CGNL1: variants seen among roughly 807,000 people sequenced by gnomAD.
The protein encoded by CGNL1 is cingulin-like protein 1.
In CGNL1, 132 loss-of-function variants were observed where a neutral mutation model predicts 141.2. That is an observed-to-expected ratio of 0.93 (90% CI 0.81 to 1.08). The LOEUF is 1.08. Among genes scored for constraint, CGNL1 ranks in the 50% least tolerant of loss-of-function variants. CGNL1 has a pLI of 0.00. For missense variants in CGNL1, 1,870 were observed against 1,588.6 expected (o/e 1.18, Z -3.01); for synonymous variants, 690 against 622.1 (o/e 1.11, Z -1.63).
intron 8 of CGNL1, among the ~76,000 whole-genome samples, chr15:57,514,576 G>A (rs761538690): frequency 2.0e-5 from 3 of 151,858 alleles, no homozygotes; most frequent in Non-Finnish European, 2.9e-5. Flanking sequence ...TTTCTTGGTG[G>A]CATCATTTGC....
chr15:57,513,211 C>T (rs138892938), intron 8 of CGNL1, among the ~76,000 whole-genome samples: 19 of 149,166 alleles, frequency 1.3e-4, no homozygotes, highest in East Asian at 1.2e-3. Flanking sequence ...TTTCTGTCTC[C>T]GTAGATTTGC....
At chr15:57,518,528 C>G (rs1306328401) in intron 10 of CGNL1, 31 bp downstream of exon 10, 2 of 1,474,688 alleles carry the variant, frequency 1.4e-6, no homozygotes, top group African/African-American at 1.4e-5. Flanking sequence ...TCATTACTCC[C>G]TCAAGAAGAA....
intron 2 of CGNL1, among the ~76,000 whole-genome samples, chr15:57,439,853 G>A (rs2063162996): frequency 6.6e-6 from 1 of 152,110 alleles, no homozygotes; most frequent in Non-Finnish European, 1.5e-5. Flanking sequence ...CTTGGCAGAC[G>A]CTACAGAGAG....
intron 8 of CGNL1, among the ~76,000 whole-genome samples, chr15:57,516,158 C>CAAAAAAAA (rs10559176): frequency 4.1e-5 from 3 of 73,268 alleles, no homozygotes; most frequent in East Asian, 3.8e-4. Context: ...GACTCTGTCT[C>CAAAAAAAA]AAAAAAAAAA....
intron 8 of CGNL1, among the ~76,000 whole-genome samples, chr15:57,467,218 A>G (rs752938894): frequency 2.0e-5 from 3 of 152,348 alleles, no homozygotes; most frequent in South Asian, 2.1e-4. Flanking sequence ...AGCTGATTAT[A>G]GACAAGAGTA....
At position 57,379,210 on chromosome 15, in the gene CGNL1, AAT is replaced by A. The variant is rs766681563; in HGVS notation, c.-16+2645_-16+2646del. Among the ~76,000 whole-genome samples the A allele has an allele frequency of 1.1e-4, 16 of 152,340 alleles. No homozygotes were observed. In the East Asian group the frequency reaches 3.1e-3, roughly 29 times the overall value. On this transcript the variant is annotated intron_variant, in intron 1 of 18. Transcript: ENST00000281282. The stretch of plus-strand genomic sequence containing the variant: ...GTCTGAAAAGTCACCCCTGAACAGC[AAT>A]AGTTACACTGTGAATATAATAATAC...
intron 1 of CGNL1, among the ~76,000 whole-genome samples, chr15:57,379,926 C>T (rs1439033903): frequency 6.6e-6 from 1 of 152,174 alleles, no homozygotes; most frequent in East Asian, 1.9e-4. Flanking sequence ...TGGTGTCCCC[C>T]GTGTCCCGAT....
chr15:57,454,708 G>A (rs1345797377), intron 7 of CGNL1, among the ~76,000 whole-genome samples: 1 of 152,084 alleles, frequency 6.6e-6, no homozygotes, highest in Non-Finnish European at 1.5e-5. Context: ...TTTCTCCTGA[G>A]AAGCCCTCAG....
chr15:57,477,246 C>T (rs2063668254), intron 8 of CGNL1, among the ~76,000 whole-genome samples: 1 of 152,154 alleles, frequency 6.6e-6, no homozygotes, highest in African/African-American at 2.4e-5. Context: ...GATCTGAAAG[C>T]ATTCAGGGAG....
chr15:57,487,741 G>A (rs376549065), intron 8 of CGNL1, among the ~76,000 whole-genome samples: 11 of 152,136 alleles, frequency 7.2e-5, no homozygotes, highest in Non-Finnish European at 1.3e-4. Context: ...TTAATGTACA[G>A]ATCTGAGAAA....
chr15:57,510,785 T>A (rs2030220696), intron 8 of CGNL1, among the ~76,000 whole-genome samples: 1 of 152,188 alleles, frequency 6.6e-6, no homozygotes, highest in African/African-American at 2.4e-5. Flanking sequence ...CTCGTGTAGT[T>A]GCAAGTCCTG....
At chr15:57,379,122 C>T (rs1370116411) in intron 1 of CGNL1, among the ~76,000 whole-genome samples, 1 of 152,036 alleles carries the variant, frequency 6.6e-6, no homozygotes, top group Non-Finnish European at 1.5e-5. Context: ...TTGTTAACTT[C>T]CAAATCTTGT....
chr15:57,426,721 A>C (rs2062979860), intron 1 of CGNL1, among the ~76,000 whole-genome samples: 1 of 151,606 alleles, frequency 6.6e-6, no homozygotes, highest in Non-Finnish European at 1.5e-5. Context: ...AGCCTCCCAA[A>C]GTGTTGGGAT....
chr15:57,505,180 A>C (rs1399623847), intron 8 of CGNL1, among the ~76,000 whole-genome samples: 2 of 152,164 alleles, frequency 1.3e-5, no homozygotes, highest in Admixed American at 1.3e-4. Context: ...GAAATCTGTG[A>C]TTTATGCTCT....
At chr15:57,410,704 C>G (rs928759408) in intron 1 of CGNL1, among the ~76,000 whole-genome samples, 40 of 152,178 alleles carry the variant, frequency 2.6e-4, no homozygotes, top group African/African-American at 8.4e-4. Flanking sequence ...ATCTGCTAAA[C>G]TAGTTTTTCA....
At chr15:57,535,492 C>T (rs1346924895) in intron 14 of CGNL1, among the ~76,000 whole-genome samples, 3 of 151,854 alleles carry the variant, frequency 2.0e-5, no homozygotes, top group Non-Finnish European at 2.9e-5. Flanking sequence ...AAGGGTAAGA[C>T]GTGAATAAAC....
intron 1 of CGNL1, among the ~76,000 whole-genome samples, chr15:57,386,431 C>T (rs990209436): frequency 3.3e-5 from 5 of 152,122 alleles, no homozygotes; most frequent in Admixed American, 1.3e-4. Flanking sequence ...TCACGGGATC[C>T]GTTTCAGTCA....
In CGNL1 at chr15:57,424,652, G is replaced by A. The variant is rs1330244657; in HGVS notation, c.-15-13333G>A. Among the ~76,000 whole-genome samples the A allele has an allele frequency of 3.9e-5, 6 of 152,170 alleles. No homozygotes were observed. The East Asian group carries it at 5.8e-4, about 15-fold the overall frequency. On this transcript the variant is annotated intron_variant, in intron 1 of 18. Transcript: ENST00000281282. Reference sequence around the variant, plus strand: ...ATATTATTGTAAGTATCATGAACTAGTGGAAAGAACCAAGATGGACAGAAC... The same window carrying A: ...ATATTATTGTAAGTATCATGAACTAATGGAAAGAACCAAGATGGACAGAAC...
Position 57,547,654 on chromosome 15 carries a change from G to C in CGNL1, c.*164G>C. 1 of 752,984 alleles carries C rather than the reference G, an allele frequency of 1.3e-6. No homozygotes were observed. 46.6% of individuals were successfully genotyped at this position (752,984 alleles called of 1,614,324 possible). A position where few individuals can be genotyped will look rare whatever the true frequency, so the allele number is the denominator to read the frequency against. On this transcript the variant is annotated 3_prime_UTR_variant, in exon 19 of 19. Coordinates refer to ENST00000281282, the MANE Select transcript of CGNL1 (RefSeq NM_032866.5). Reference sequence around the variant, plus strand: ...TTACATTCCTCGCCAGGGTCTCTCAGTGGGTCTTCGACAGAGAGCTTTTGC... The same window carrying C: ...TTACATTCCTCGCCAGGGTCTCTCACTGGGTCTTCGACAGAGAGCTTTTGC...
Sources: gnomAD v4.1 joint callset for allele counts (sites outside exome capture counted in the v4.1 genomes callset) on GRCh38, gnomAD v4.1.1 for gene constraint, MANE v1.5 for transcripts, NCBI Gene and HGNC (gene_info 2026-07-23, HGNC 2026-07-21) for gene names.